The following MYO16 variants were observed in gnomAD, a reference collection of about 807,000 sequenced individuals.
MYO16 encodes myosin XVI, also known as unconventional myosin-XVI.
MYO16 carries 94 observed loss-of-function variants against 205.3 expected under a neutral mutation model. The ratio of observed to expected loss-of-function variants is 0.46; its 90% confidence interval spans 0.39 to 0.54. MYO16 has a LOEUF of 0.54. Among genes scored for constraint, MYO16 ranks in the 20% least tolerant of loss-of-function variants. The pLI, the probability that MYO16 is intolerant of heterozygous loss-of-function variation, is 0.00. For synonymous variants in MYO16, 988 were observed against 954.0 expected, an observed-to-expected ratio of 1.04 and a Z score of -0.66; for missense variants, 2,315 against 2,387.5, an observed-to-expected ratio of 0.97 and a Z score of 0.63.
intron 19 of MYO16, among the ~76,000 whole-genome samples, chr13:108,963,535 C>CT (rs1463145060): frequency 6.6e-6 from 1 of 152,188 alleles, no homozygotes; most frequent in Non-Finnish European, 1.5e-5. Flanking sequence ...CCTGGTTCCT[C>CT]TTTTATCTCA....
upstream of MYO16, among the ~76,000 whole-genome samples, chr13:108,592,189 AGGG>A (rs1878417623): frequency 3.9e-4 from 1 of 2,548 alleles, no homozygotes; most frequent in African/African-American, 1.9e-3. Context: ...TGGGGTATGG[AGGG>A]GTGTGGGGGG....
At chr13:109,139,694 G>C (rs1594117712) in intron 31 of MYO16, among the ~76,000 whole-genome samples, 2 of 93,330 alleles carry the variant, frequency 2.1e-5, no homozygotes. Context: ...GGTCGTAATA[G>C]ATAGAGCAAG....
intron 4 of MYO16, among the ~76,000 whole-genome samples, chr13:108,774,955 C>G (rs1390186780): frequency 6.6e-6 from 1 of 152,142 alleles, no homozygotes; most frequent in African/African-American, 2.4e-5. Flanking sequence ...AAAAATATTA[C>G]TTAAGATTTA....
chr13:108,534,805 T>A, the MYO16 span, among the ~76,000 whole-genome samples: 2 of 150,178 alleles, frequency 1.3e-5, no homozygotes, highest in Non-Finnish European at 3.0e-5. Flanking sequence ...TCTTCTTCCT[T>A]CCTTCCTCCT....
intron 32 of MYO16, among the ~76,000 whole-genome samples, chr13:109,159,413 C>G (rs1333220333): frequency 6.6e-6 from 1 of 151,472 alleles, no homozygotes; most frequent in Admixed American, 6.6e-5. Context: ...AGCTATTTTA[C>G]AGGTATGGAA....
intron 28 of MYO16, among the ~76,000 whole-genome samples, chr13:109,116,078 T>C (rs1304544113): frequency 6.6e-6 from 1 of 152,194 alleles, no homozygotes; most frequent in Non-Finnish European, 1.5e-5. Context: ...TACAAAACTA[T>C]ATGAAATAAA....
At chr13:109,102,512 A>G (rs199750979) in intron 28 of MYO16, among the ~76,000 whole-genome samples, 10 of 8,290 alleles carry the variant, frequency 1.2e-3, no homozygotes, top group African/African-American at 2.3e-3. Flanking sequence ...GTGTGTGTAT[A>G]TATATATATA....
At chr13:108,694,207 T>A (rs1053766186) in intron 2 of MYO16, among the ~76,000 whole-genome samples, 1 of 152,232 alleles carries the variant, frequency 6.6e-6, no homozygotes, top group African/African-American at 2.4e-5. Flanking sequence ...GCACCTGATA[T>A]TTTTTGACTT....
At chr13:109,130,806 A>C (rs1381419549) in intron 31 of MYO16, among the ~76,000 whole-genome samples, 1 of 152,212 alleles carries the variant, frequency 6.6e-6, no homozygotes, top group Non-Finnish European at 1.5e-5. Context: ...GTATAATCTA[A>C]GTCTTTGTTG....
chr13:109,140,322 T>A lies in MYO16; in HGVS notation c.4110T>A (p.Pro1370=). 1 of 1,602,706 alleles carries A rather than the reference T, an allele frequency of 6.2e-7. No homozygotes were observed. The highest frequency in any genetic ancestry group is 8.5e-7 in the Non-Finnish European group (1 of 1,179,340). The change falls in exon 32 of 35, where the codon CCT becomes CCA. Residue 1370 remains proline (P), a synonymous_variant. Coordinates refer to ENST00000457511, the MANE Select transcript of MYO16 (RefSeq NM_001198950.3). This position sits in a 1 kb window ranked among gnomAD's most constrained non-coding sequence, Gnocchi z 8.0. ...ACAGCACCATGAAGAAGATTCCTCC[T>A]CGAAAGCCCAAGCGCAGCCCCAACA... ...DDYSTMKKIP[P]RKPKRSPNTK... is the part of the protein sequence containing the mutation.
intron 1 of MYO16, among the ~76,000 whole-genome samples, chr13:108,619,594 T>C (rs755130600): frequency 1.2e-4 from 19 of 152,158 alleles, no homozygotes; most frequent in South Asian, 2.1e-4. Flanking sequence ...TTAGCAGTAA[T>C]AGGATGTAGC....
At chr13:108,941,519 A>G (rs1209266538) in intron 16 of MYO16, among the ~76,000 whole-genome samples, 1 of 152,042 alleles carries the variant, frequency 6.6e-6, no homozygotes, top group Non-Finnish European at 1.5e-5. Context: ...TCTACTAAAA[A>G]TACAAAAATT....
chr13:108,836,317 C>T (rs1876914273), intron 9 of MYO16, among the ~76,000 whole-genome samples: 1 of 152,228 alleles, frequency 6.6e-6, no homozygotes, highest in South Asian at 2.1e-4. Context: ...ATTTGGGAAA[C>T]TTAGCCTAGA....
intron 23 of MYO16, among the ~76,000 whole-genome samples, chr13:109,029,399 C>A (rs1287695349): frequency 6.6e-6 from 1 of 152,084 alleles, no homozygotes; most frequent in Non-Finnish European, 1.5e-5. Context: ...CTTGCGGGAT[C>A]TCTGTCTGTT....
At chr13:109,085,779 G>A (rs1376353140) in intron 27 of MYO16, among the ~76,000 whole-genome samples, 1 of 152,204 alleles carries the variant, frequency 6.6e-6, no homozygotes, top group African/African-American at 2.4e-5. Context: ...CACTGACGAT[G>A]TGTAAGGCAG....
intron 27 of MYO16, among the ~76,000 whole-genome samples, chr13:109,095,801 G>A (rs901239986): frequency 1.3e-5 from 2 of 152,192 alleles, no homozygotes; most frequent in Non-Finnish European, 2.9e-5. Flanking sequence ...TGGCTTTCCT[G>A]AGGGCATGAA....
the MYO16 span, among the ~76,000 whole-genome samples, chr13:108,547,331 C>G: frequency 1.7e-3 from 262 of 151,212 alleles, 1 homozygote; most frequent in African/African-American, 5.6e-3. Flanking sequence ...AGCCCACTGT[C>G]AATTCACTGG....
At chr13:108,501,384 C>A in the MYO16 span, among the ~76,000 whole-genome samples, 1 of 152,318 alleles carries the variant, frequency 6.6e-6, no homozygotes, top group Middle Eastern at 3.4e-3. Flanking sequence ...CTGCCGGTAA[C>A]CCCGGGTCCC....
chr13:108,820,417 GT>G lies in MYO16; in HGVS notation c.943+7del. On this transcript the variant is annotated splice_donor_region_variant and intron_variant, in intron 8 of 34. Transcript: ENST00000457511. ...GTAATGAGGAGAAGGCGTCAGGTAG[GT>G]TAGGAGCATCCTTGGACCATTGAGC... is the stretch of plus-strand genomic sequence containing the variant. 6.2e-7 allele frequency: 1 copy of G among 1,600,694 alleles called. No individual in the cohort carries two copies. The highest frequency in any genetic ancestry group is 8.5e-7 in the Non-Finnish European group (1 of 1,172,728).
Sources: gnomAD v4.1 joint callset for allele counts (sites outside exome capture counted in the v4.1 genomes callset) on GRCh38, gnomAD v4.1.1 for gene constraint, Gnocchi (gnomAD v3.1) non-coding constraint, MANE v1.5 for transcripts, NCBI Gene and HGNC (gene_info 2026-07-23, HGNC 2026-07-21) for gene names.